The following MEGF10 variants were observed in gnomAD, a reference collection of about 807,000 sequenced individuals.
MEGF10 encodes the protein multiple epidermal growth factor-like domains protein 10.
Under a neutral mutation model 147.5 loss-of-function variants are expected in MEGF10, and 86 were observed. The ratio of observed to expected loss-of-function variants is 0.58; its 90% confidence interval spans 0.49 to 0.70. The LOEUF (loss-of-function observed/expected upper bound fraction) is 0.70. MEGF10 is among the 30% of genes least tolerant of loss of function. The pLI is 0.00. For synonymous variants in MEGF10, 478 were observed against 525.5 expected, an observed-to-expected ratio of 0.91 and a Z score of 1.24; for missense variants, 1,329 against 1,487.3, an observed-to-expected ratio of 0.89 and a Z score of 1.75.
Position 127,396,474 on chromosome 5 carries a change from G to A in MEGF10, c.413-58G>A, listed in dbSNP as rs552621659. ...CACCAAGCCATTCTCCCCGAGAGGCGAAGAAATCTGGTTCTCCCTTACCCA... is the reference window on the plus strand; with the variant it reads ...CACCAAGCCATTCTCCCCGAGAGGCAAAGAAATCTGGTTCTCCCTTACCCA... On this transcript the variant is annotated intron_variant, in intron 5 of 24. Coordinates refer to ENST00000503335, the MANE Select transcript of MEGF10 (RefSeq NM_001256545.2). 22 of 1,476,026 alleles carry A rather than the reference G, an allele frequency of 1.5e-5. No homozygotes were observed. The East Asian group carries it at 2.4e-4, about 16-fold the overall frequency. The allele number at this position is 1,476,026 out of a possible 1,614,324, so 91.4% of individuals were successfully genotyped here. A position where few individuals can be genotyped will look rare whatever the true frequency, so the allele number is the denominator to read the frequency against.
At chr5:127,259,066 T>A in the MEGF10 span, among the ~76,000 whole-genome samples, 1 of 152,160 alleles carries the variant, frequency 6.6e-6, no homozygotes, top group African/African-American at 2.4e-5. Context: ...CAATATAATT[T>A]ACATTTATGA....
chr5:127,271,033 C>T, the MEGF10 span, among the ~76,000 whole-genome samples: 3 of 152,100 alleles, frequency 2.0e-5, no homozygotes, highest in Non-Finnish European at 2.9e-5. Context: ...TATATGTGCA[C>T]GTGTCTTTAT....
intron 1 of MEGF10, among the ~76,000 whole-genome samples, chr5:127,295,860 G>C (rs1759474119): frequency 6.6e-6 from 1 of 152,176 alleles, no homozygotes; most frequent in African/African-American, 2.4e-5. Flanking sequence ...GATTCACTGG[G>C]TTCTGTTGAT....
At chr5:127,422,871 T>C in intron 13 of MEGF10, 99 bp downstream of exon 13, 1 of 866,570 alleles carries the variant, frequency 1.2e-6, no homozygotes, top group Non-Finnish European at 1.8e-6. Flanking sequence ...AGTCAACTTT[T>C]CAAAAAAAAT....
chr5:127,262,809 T>G, the MEGF10 span, among the ~76,000 whole-genome samples: 1 of 152,210 alleles, frequency 6.6e-6, no homozygotes, highest in Admixed American at 6.5e-5. Context: ...CTCTATCTCT[T>G]TCTTCTCTTA....
chr5:127,233,737 T>G, the MEGF10 span, among the ~76,000 whole-genome samples: 1 of 152,046 alleles, frequency 6.6e-6, no homozygotes, highest in African/African-American at 2.4e-5. Context: ...AGATTTGGAG[T>G]ATACAGTCTT....
chr5:127,259,488 C>T, the MEGF10 span, among the ~76,000 whole-genome samples: 4 of 152,072 alleles, frequency 2.6e-5, no homozygotes, highest in African/African-American at 7.2e-5. Context: ...GTGGAATTTG[C>T]TGTGACCTAG....
chr5:127,264,372 A>G, the MEGF10 span, among the ~76,000 whole-genome samples: 9 of 152,164 alleles, frequency 5.9e-5, no homozygotes, highest in African/African-American at 2.2e-4. Flanking sequence ...CCCAAATTCT[A>G]TGTACTTTTG....
At chr5:127,239,230 A>T in the MEGF10 span, among the ~76,000 whole-genome samples, 2 of 151,946 alleles carry the variant, frequency 1.3e-5, no homozygotes, top group South Asian at 2.1e-4. Context: ...GATCGGGGGG[A>T]AAAAACAGCT....
At chr5:127,439,081 G>A (rs1765658658) in intron 17 of MEGF10, among the ~76,000 whole-genome samples, 1 of 152,232 alleles carries the variant, frequency 6.6e-6, no homozygotes, top group East Asian at 1.9e-4. Flanking sequence ...TGGCACCTGA[G>A]AATTGCCATT....
chr5:127,274,847 C>T, the MEGF10 span, among the ~76,000 whole-genome samples: 1 of 152,034 alleles, frequency 6.6e-6, no homozygotes, highest in Non-Finnish European at 1.5e-5. Flanking sequence ...TTGTTTGATT[C>T]TCTAAATTTA....
At chr5:127,430,985 A>G (rs1331137176) in intron 13 of MEGF10, among the ~76,000 whole-genome samples, 1 of 152,226 alleles carries the variant, frequency 6.6e-6, no homozygotes, top group Non-Finnish European at 1.5e-5. Flanking sequence ...GGTCTGTTGA[A>G]AGATGCTTAT....
At chr5:127,310,055 T>TTTCTTTCC (rs1760221777) in intron 1 of MEGF10, among the ~76,000 whole-genome samples, 1 of 136,832 alleles carries the variant, frequency 7.3e-6, no homozygotes, top group African/African-American at 2.7e-5. Flanking sequence ...TATTTCTTTC[T>TTTCTTTCC]TTCTTTCTTT....
chr5:127,280,789 C>T, the MEGF10 span, among the ~76,000 whole-genome samples: 4 of 152,200 alleles, frequency 2.6e-5, no homozygotes, highest in African/African-American at 9.7e-5. Flanking sequence ...CCTCATTTTG[C>T]ACAAAGCACC....
At chr5:127,238,091 T>A in the MEGF10 span, among the ~76,000 whole-genome samples, 1 of 150,576 alleles carries the variant, frequency 6.6e-6, no homozygotes, top group Non-Finnish European at 1.5e-5. Flanking sequence ...AGTCTTGCTC[T>A]GTCACTCAAG....
chr5:127,311,847 T>C (rs1264569643), intron 1 of MEGF10, among the ~76,000 whole-genome samples: 1 of 152,168 alleles, frequency 6.6e-6, no homozygotes, highest in Non-Finnish European at 1.5e-5. Flanking sequence ...CAACGTTAAA[T>C]TCCTGAAATC....
At chr5:127,404,212 A>G (rs1254672664) in intron 8 of MEGF10, among the ~76,000 whole-genome samples, 1 of 151,698 alleles carries the variant, frequency 6.6e-6, no homozygotes, top group African/African-American at 2.4e-5. Context: ...TTCTCTGATG[A>G]TCAATTGTGT....
At chr5:127,301,543 G>T (rs1327404264) in intron 1 of MEGF10, among the ~76,000 whole-genome samples, 5 of 152,120 alleles carry the variant, frequency 3.3e-5, no homozygotes. Context: ...TGTGATTAAA[G>T]TTGTGGGTTA....
Position 127,410,588 on chromosome 5 carries a change from GA to G in MEGF10, c.1121del (p.Asn374ThrfsTer51). ...TGACAAACGGTGTCCCTGCCACCTG[GA>G]AAACACTCATAGGTGAGTGTCAGCT... ...KCDKRCPCHLENTHSCHPMSG... is the reference protein window; with the variant it reads ...KCDKRCPCHLXNTHSCHPMSG... On this transcript the variant is annotated frameshift_variant, in exon 9 of 25. Transcript: ENST00000503335. LOFTEE classifies it high-confidence loss of function. 4 of 1,604,924 alleles carry G rather than the reference GA, an allele frequency of 2.5e-6. No individual in the cohort carries two copies. The highest frequency in any genetic ancestry group is 2.5e-6 in the Non-Finnish European group (3 of 1,178,804).
Sources: allele counts gnomAD v4.1 joint callset (sites outside exome capture counted in the v4.1 genomes callset), GRCh38; gene constraint gnomAD v4.1.1; transcripts MANE v1.5; gene names NCBI Gene and HGNC (gene_info 2026-07-23, HGNC 2026-07-21).